Variants in LPP observed in about 807,000 individuals in gnomAD.
The protein encoded by LPP is lipoma-preferred partner.
LPP carries 38 observed loss-of-function variants against 60.4 expected under a neutral mutation model. That is an observed-to-expected ratio of 0.63 (90% confidence interval 0.49 to 0.83). The LOEUF is 0.83. LPP is among the 40% of genes least tolerant of loss of function. The pLI, the probability that LPP is intolerant of heterozygous loss-of-function variation, is 0.00. For synonymous variants in LPP, 328 were observed against 290.8 expected (o/e 1.13, Z -1.30); for missense variants, 902 against 783.6 (o/e 1.15, Z -1.80).
Position 188,493,516 on chromosome 3 carries a change from A to G in LPP, c.306+8812A>G, listed in dbSNP as rs140257941. ...TTTCTTTCTTTTCTTTCTTTCTTGA[A>G]CTCCTGAGCTCAGGTGATCCTCCTG... is the stretch of plus-strand genomic sequence containing the variant. On this transcript the variant is annotated intron_variant, in intron 5 of 11. Transcript: ENST00000617246. Among the ~76,000 whole-genome samples, 158 of 150,480 alleles carry G rather than the reference A, an allele frequency of 1.0e-3. 3 individuals carry two copies. In the East Asian group the frequency reaches 0.028, roughly 27 times the overall value.
intron 7 of LPP, among the ~76,000 whole-genome samples, chr3:188,659,809 T>TGC (rs1553784034): frequency 2.8e-5 from 3 of 109,076 alleles, no homozygotes; most frequent in African/African-American, 1.4e-4. Flanking sequence ...TTAGATCCTA[T>TGC]GCACACACAC....
Position 188,738,206 on chromosome 3 carries a change from T to C in LPP, c.1241-21907T>C, listed in dbSNP as rs188110201. 5.8e-3 allele frequency among the ~76,000 whole-genome samples: 877 copies of C among 152,310 alleles called. 10 individuals are homozygous for C. The highest frequency in any genetic ancestry group is 0.02 in the African/African-American group (824 of 41,582). On this transcript the variant is annotated intron_variant, in intron 8 of 11. Transcript: ENST00000617246. ...AATGAGTCCCCGAAAGTGTTTTTTT[T>C]CAAATGATGATGATCGGTCACGTTG... is the stretch of plus-strand genomic sequence containing the variant.
intron 3 of LPP, among the ~76,000 whole-genome samples, chr3:188,403,912 T>A (rs558814950): frequency 6.6e-6 from 1 of 152,142 alleles, no homozygotes; most frequent in Non-Finnish European, 1.5e-5. Flanking sequence ...TGTGTATATA[T>A]GAATATGTAA....
At chr3:188,294,566 C>A (rs1021316127) in intron 2 of LPP, among the ~76,000 whole-genome samples, 3 of 151,976 alleles carry the variant, frequency 2.0e-5, no homozygotes, top group African/African-American at 7.3e-5. Context: ...CACCTAACTT[C>A]ATGCACGTTT....
intron 9 of LPP, among the ~76,000 whole-genome samples, chr3:188,770,658 G>A (rs1271257225): frequency 4.6e-5 from 7 of 152,116 alleles, no homozygotes; most frequent in Non-Finnish European, 1.0e-4. Context: ...GTGTGTCCGT[G>A]TGATCAGGCC....
chr3:188,277,498 A>C (rs1740401997), intron 2 of LPP, among the ~76,000 whole-genome samples: 1 of 152,180 alleles, frequency 6.6e-6, no homozygotes, highest in Non-Finnish European at 1.5e-5. Flanking sequence ...GGAAAGTCTC[A>C]TGACTCTTTA....
intron 4 of LPP, among the ~76,000 whole-genome samples, chr3:188,407,891 A>G (rs913183560): frequency 6.9e-6 from 1 of 144,400 alleles, no homozygotes; most frequent in African/African-American, 2.6e-5. Context: ...CCCGGGTTCA[A>G]GTGATTCTCA....
chr3:188,185,468 C>T, intron 1 of LPP, among the ~76,000 whole-genome samples: 1 of 151,994 alleles, frequency 6.6e-6, no homozygotes, highest in Non-Finnish European at 1.5e-5. Context: ...CCCTATATAC[C>T]CCACAGTTTA....
At chr3:188,495,064 T>TTATATATATATATATATA (rs1192152538) in intron 5 of LPP, among the ~76,000 whole-genome samples, 7,711 of 53,674 alleles carry the variant, frequency 0.14, 1,133 homozygotes, top group Non-Finnish European at 0.19. Context: ...GTTCAGGATT[T>TTATATATATATATATATA]TATATATATA....
intron 9 of LPP, among the ~76,000 whole-genome samples, chr3:188,828,438 C>T (rs1756173708): frequency 6.8e-6 from 1 of 147,522 alleles, no homozygotes; most frequent in Admixed American, 6.8e-5. Context: ...AACCCAGTCT[C>T]TACTAAAAAT....
At chr3:188,820,639 A>C (rs534384209) in intron 9 of LPP, among the ~76,000 whole-genome samples, 3 of 152,338 alleles carry the variant, frequency 2.0e-5, no homozygotes, top group South Asian at 2.1e-4. Flanking sequence ...TCCTATCTAC[A>C]TACCACAAAG....
At chr3:188,229,206 G>C (rs770788330) in intron 2 of LPP, among the ~76,000 whole-genome samples, 1 of 152,072 alleles carries the variant, frequency 6.6e-6, no homozygotes, top group Non-Finnish European at 1.5e-5. Context: ...TAAGAAACCC[G>C]GGAAGCTCAG....
intron 1 of LPP, among the ~76,000 whole-genome samples, chr3:188,173,250 C>T (rs1020055015): frequency 2.6e-5 from 4 of 152,120 alleles, no homozygotes; most frequent in Admixed American, 2.0e-4. Context: ...CCTGTAATCC[C>T]AGCACTTTGG....
In LPP at chr3:188,578,809, G is replaced by C. The variant is rs555786092; in HGVS notation, c.430-30352G>C. ...TGCTGCTATTACACACAACACATTG[G>C]CTAGCAGAGGAGCCAGGATTCAGCC... On this transcript the variant is annotated intron_variant, in intron 6 of 11. Transcript: ENST00000617246. Among the ~76,000 whole-genome samples the C allele has an allele frequency of 5.3e-5, 8 of 152,186 alleles. No individual in the cohort carries two copies. In the East Asian group the frequency reaches 1.5e-3, roughly 29 times the overall value.
In LPP at chr3:188,560,630, C is replaced by T. The variant is rs1252698202; in HGVS notation, c.429+35843C>T. Among the ~76,000 whole-genome samples, 3 of 152,082 alleles carry T rather than the reference C, an allele frequency of 2.0e-5. No individual in the cohort carries two copies. The East Asian group carries it at 5.8e-4, about 29-fold the overall frequency. ...TACATAGATTGTTCAGGCTGATGCA[C>T]TTATGCTTTGATTTACTGGATATTC... is the stretch of plus-strand genomic sequence containing the variant. On this transcript the variant is annotated intron_variant, in intron 6 of 11. Transcript: ENST00000617246.
intron 8 of LPP, chr3:188,725,386 C>T (rs1446682547): frequency 6.6e-6 from 1 of 152,232 alleles, no homozygotes; most frequent in Non-Finnish European, 1.5e-5. Flanking sequence ...ACGCATTAGA[C>T]TCAAGGTGGA....
chr3:188,660,700 T>C lies in LPP; in HGVS notation c.1114-47567T>C, dbSNP rs540003613. On this transcript the variant is annotated intron_variant, in intron 7 of 11. Coordinates refer to ENST00000617246, the MANE Select transcript of LPP (RefSeq NM_001375462.1). ...AGGCATTTTACTTTTAAAAGGAAGGTTCACAGTCAAACTGAGCAGAAAATA... is the reference window on the plus strand; with the variant it reads ...AGGCATTTTACTTTTAAAAGGAAGGCTCACAGTCAAACTGAGCAGAAAATA... Among the ~76,000 whole-genome samples the C allele has an allele frequency of 5.3e-5, 8 of 151,844 alleles. No individual in the cohort carries two copies. In the South Asian group the frequency reaches 1.7e-3, roughly 32 times the overall value.
At chr3:188,514,240 C>T (rs1389163959) in intron 5 of LPP, among the ~76,000 whole-genome samples, 1 of 151,096 alleles carries the variant, frequency 6.6e-6, no homozygotes, top group East Asian at 2.0e-4. Flanking sequence ...GTTTTTTTTC[C>T]CTCTCTCCCT....
At chr3:188,874,240 G>A (rs755759474) in intron 11 of LPP, 111 bp from the exon 12 acceptor site, 23 of 907,724 alleles carry the variant, frequency 2.5e-5, no homozygotes, top group Non-Finnish European at 3.2e-5. Context: ...AGGAAGGATA[G>A]TAAGTGGCCA....
Sources: gnomAD v4.1 joint callset for allele counts (sites outside exome capture counted in the v4.1 genomes callset) on GRCh38, gnomAD v4.1.1 for gene constraint, MANE v1.5 for transcripts, NCBI Gene and HGNC (gene_info 2026-07-23, HGNC 2026-07-21) for gene names.